The following OXR1 variants were observed in gnomAD, a reference collection of about 807,000 sequenced individuals.
The protein encoded by OXR1 is oxidation resistance 1, also known as oxidation resistance protein 1.
OXR1 carries 41 observed loss-of-function variants against 104.6 expected under a neutral mutation model. The ratio of observed to expected loss-of-function variants is 0.39; its 90% CI spans 0.31 to 0.51. The LOEUF is 0.51. Ranked by LOEUF, OXR1 falls within the 20% of genes least tolerant of loss-of-function variation. The pLI, the probability that OXR1 is intolerant of heterozygous loss-of-function variation, is 0.77. For missense variants in OXR1, 955 were observed against 1,031.9 expected (o/e 0.93, Z 1.02); for synonymous variants, 348 against 348.4 (o/e 1.00, Z 0.01).
At chr8:106,505,146 A>G (rs1371449294) in intron 2 of OXR1, among the ~76,000 whole-genome samples, 2 of 152,234 alleles carry the variant, frequency 1.3e-5, no homozygotes, top group Non-Finnish European at 2.9e-5. Context: ...TTTTCTAACC[A>G]GAGAAATATG....
chr8:106,628,195 T>C (rs187917986), intron 3 of OXR1, among the ~76,000 whole-genome samples: 52 of 152,284 alleles, frequency 3.4e-4, no homozygotes, highest in African/African-American at 1.1e-3. Flanking sequence ...TGTGTCCTTT[T>C]CCCAAAGAGC....
At chr8:106,306,620 A>G (rs1173218647) in intron 1 of OXR1, among the ~76,000 whole-genome samples, 2 of 152,236 alleles carry the variant, frequency 1.3e-5, no homozygotes, top group African/African-American at 4.8e-5. Context: ...GTTATACACA[A>G]AAACATGGAT....
At chr8:106,493,630 A>T (rs987118088) in intron 2 of OXR1, among the ~76,000 whole-genome samples, 1 of 152,166 alleles carries the variant, frequency 6.6e-6, no homozygotes, top group African/African-American at 2.4e-5. Flanking sequence ...GGGACTCTCT[A>T]CACATGAATG....
At chr8:106,415,579 G>GAGAGAGGC (rs1554571057) in intron 2 of OXR1, among the ~76,000 whole-genome samples, 1 of 150,466 alleles carries the variant, frequency 6.6e-6, no homozygotes, top group African/African-American at 2.5e-5. Flanking sequence ...CTGAGAGAGA[G>GAGAGAGGC]AGAGAGACAG....
chr8:106,389,746 G>A (rs1321691332), intron 2 of OXR1, among the ~76,000 whole-genome samples: 1 of 152,162 alleles, frequency 6.6e-6, no homozygotes, highest in Non-Finnish European at 1.5e-5. Context: ...ATATGGATTA[G>A]TTTCATTTGC....
chr8:106,551,827 C>T (rs200165465), intron 3 of OXR1, among the ~76,000 whole-genome samples: 3,785 of 141,566 alleles, frequency 0.027, 188 homozygotes, highest in African/African-American at 0.096. Context: ...CACACACACA[C>T]ATATATATAT....
chr8:106,659,091 T>A (rs993445831), intron 3 of OXR1, among the ~76,000 whole-genome samples: 1 of 152,246 alleles, frequency 6.6e-6, no homozygotes, highest in Non-Finnish European at 1.5e-5. Context: ...TGTTTATAAC[T>A]CCACATCGTG....
chr8:106,699,501 A>G (rs960640114), intron 7 of OXR1, among the ~76,000 whole-genome samples: 14 of 152,184 alleles, frequency 9.2e-5, no homozygotes, highest in African/African-American at 3.4e-4. Flanking sequence ...ATCATTGCCT[A>G]GCATTCCGGT....
chr8:106,378,212 A>G (rs1260961483), intron 2 of OXR1, among the ~76,000 whole-genome samples: 1 of 152,192 alleles, frequency 6.6e-6, no homozygotes, highest in Non-Finnish European at 1.5e-5. Context: ...AGGGATTAAC[A>G]CTGGAAATCA....
intron 6 of OXR1, among the ~76,000 whole-genome samples, chr8:106,692,275 G>A (rs1341854827): frequency 6.6e-6 from 1 of 151,942 alleles, no homozygotes; most frequent in Non-Finnish European, 1.5e-5. Context: ...TCTGCTGTAT[G>A]CTTAGGTACT....
At chr8:106,573,344 T>C (rs200799523) in intron 3 of OXR1, among the ~76,000 whole-genome samples, 11 of 146,640 alleles carry the variant, frequency 7.5e-5, no homozygotes, top group Non-Finnish European at 1.7e-4. Flanking sequence ...AACCATCACA[T>C]ACACACACAC....
rs879435591 is a variant in OXR1 at position 106,303,786 on chromosome 8, A to C, written c.-139+33419A>C. Among the ~76,000 whole-genome samples the C allele has an allele frequency of 5.3e-5, 8 of 152,302 alleles. No homozygotes were observed. The East Asian group carries it at 1.5e-3, about 29-fold the overall frequency. On this transcript the variant is annotated intron_variant, in intron 1 of 16. Coordinates refer to ENST00000517566, the MANE Select transcript of OXR1 (RefSeq NM_001198533.2). ...CTTCCTTTCCAATACCCTTCAGGTA[A>C]GTATATTTGTGTATGTGTTTCTCCT...
intron 1 of OXR1, among the ~76,000 whole-genome samples, chr8:106,274,870 G>A (rs1485408462): frequency 2.0e-5 from 3 of 152,184 alleles, no homozygotes. Flanking sequence ...AGCAACACTG[G>A]TACTGATAGA....
chr8:106,371,327 G>GT (rs1312268101), intron 2 of OXR1, among the ~76,000 whole-genome samples: 4 of 150,828 alleles, frequency 2.7e-5, no homozygotes, highest in South Asian at 4.2e-4. Flanking sequence ...TATTTTGTTA[G>GT]TTTTTTCAAA....
In OXR1 at chr8:106,536,733, T is replaced by C. The variant is rs1814572181; in HGVS notation, c.220+17594T>C. On this transcript the variant is annotated intron_variant, in intron 3 of 16. Transcript: ENST00000517566. ...ACTCAAAGCAAATAATCTGCAAACA[T>C]GATAGGGGAAAAAGCAGAGACAAAA... is the stretch of plus-strand genomic sequence containing the variant. 3.3e-5 allele frequency among the ~76,000 whole-genome samples: 5 copies of C among 152,082 alleles called. No individual in the cohort carries two copies. In the South Asian group the frequency reaches 1.0e-3, roughly 32 times the overall value.
chr8:106,699,652 A>G (rs1830414208), intron 7 of OXR1, among the ~76,000 whole-genome samples: 1 of 152,234 alleles, frequency 6.6e-6, no homozygotes, highest in Admixed American at 6.5e-5. Context: ...AATTTTATTT[A>G]AAGATCAAAG....
At chr8:106,743,600 C>T (rs1425243608) in intron 15 of OXR1, among the ~76,000 whole-genome samples, 2 of 152,172 alleles carry the variant, frequency 1.3e-5, no homozygotes, top group African/African-American at 4.8e-5. Context: ...GGATTACAGG[C>T]GTGAGCCACC....
chr8:106,294,740 C>T lies in OXR1; in HGVS notation c.-139+24373C>T, dbSNP rs548429509. Among the ~76,000 whole-genome samples, 139 of 152,294 alleles carry T rather than the reference C, an allele frequency of 9.1e-4. 1 individual carries two copies. The highest frequency in any genetic ancestry group is 2.9e-3 in the South Asian group (14 of 4,820). On this transcript the variant is annotated intron_variant, in intron 1 of 16. Transcript: ENST00000517566. ...GATCACCTCCCACCAGGCCCCACCTCCAGCACTGGGGATTACAATTCAACA... is the reference window on the plus strand; with the variant it reads ...GATCACCTCCCACCAGGCCCCACCTTCAGCACTGGGGATTACAATTCAACA...
At chr8:106,339,514 A>T (rs1563725918) in intron 1 of OXR1, among the ~76,000 whole-genome samples, 3 of 36,410 alleles carry the variant, frequency 8.2e-5, no homozygotes, top group Non-Finnish European at 1.3e-4. Flanking sequence ...AAAAAAAAAA[A>T]AAAAAATATA....
Sources: gnomAD v4.1 joint callset for allele counts (sites outside exome capture counted in the v4.1 genomes callset) on GRCh38, gnomAD v4.1.1 for gene constraint, MANE v1.5 for transcripts, NCBI Gene and HGNC (gene_info 2026-07-23, HGNC 2026-07-21) for gene names.